The following SERPINA6 variants were observed in gnomAD, a reference collection of about 807,000 sequenced individuals.
The protein encoded by SERPINA6 is serpin family A member 6, also known as corticosteroid-binding globulin.
In SERPINA6, 19 loss-of-function variants were observed where a neutral mutation model predicts 26.4. The observed-to-expected ratio is 0.72, with a 90% CI of 0.50 to 1.06. The LOEUF (loss-of-function observed/expected upper bound fraction) is 1.06. Ranked by LOEUF, SERPINA6 falls within the 50% of genes least tolerant of loss-of-function variation. The pLI, the probability that SERPINA6 is intolerant of heterozygous loss-of-function variation, is 0.00. For synonymous variants in SERPINA6, 196 were observed against 199.4 expected (o/e 0.98, Z 0.14); for missense variants, 473 against 504.0 (o/e 0.94, Z 0.59).
intron 2 of SERPINA6, 165 bp downstream of exon 2, chr14:94,313,871 A>G (rs769178784): frequency 1.2e-6 from 1 of 846,800 alleles, no homozygotes; most frequent in Non-Finnish European, 2.0e-6. Flanking sequence ...TTGTAAAATA[A>G]TATAATTCCA....
At chr14:94,320,735 G>C (rs1950659) in intron 1 of SERPINA6, among the ~76,000 whole-genome samples, 108,006 of 151,902 alleles carry the variant, frequency 0.71, 39,706 homozygotes, top group East Asian at 1. Flanking sequence ...GAACTCCCCC[G>C]CAAAACCCTT....
chr14:94,314,400 G>T lies in SERPINA6; in HGVS notation c.249C>A (p.Gly83=). Residue 83 remains glycine (G), a synonymous_variant, in exon 2 of 5, where the codon GGC becomes GGA. Transcript: ENST00000341584. Reference sequence around the variant, plus strand: ...CCTGGAGAAGCTGGGCCCGTGTGTGGCCACAGGTGCCCAGGGACAGCATAG... The same window carrying T: ...CCTGGAGAAGCTGGGCCCGTGTGTGTCCACAGGTGCCCAGGGACAGCATAG... The part of the protein sequence containing the change: ...ALAMLSLGTC[G]HTRAQLLQGL... 1 of 1,614,200 alleles carries T rather than the reference G, an allele frequency of 6.2e-7. No homozygotes were observed. Among genetic ancestry groups the T allele is most frequent in the Non-Finnish European group, 8.5e-7 (1 of 1,180,042 alleles).
chr14:94,306,252 C>T (rs1360472920), intron 3 of SERPINA6, 34 bp from the exon 4 acceptor site: 9 of 1,613,476 alleles, frequency 5.6e-6, no homozygotes, highest in Non-Finnish European at 7.6e-6. Context: ...TTAGACATTC[C>T]AGGGCTGGGC....
chr14:94,313,890 G>A lies in SERPINA6; in HGVS notation c.613+146C>T, dbSNP rs1895569257. 6.7e-6 allele frequency: 6 copies of A among 889,204 alleles called. No individual in the cohort carries two copies. In the East Asian group the frequency reaches 1.4e-4, roughly 21 times the overall value. 55.1% of individuals were successfully genotyped at this position (889,204 alleles called of 1,614,324 possible). On this transcript the variant is annotated intron_variant, in intron 2 of 4. Coordinates refer to ENST00000341584, the MANE Select transcript of SERPINA6 (RefSeq NM_001756.4). Reference sequence around the variant, plus strand: ...AAAATAATATAATTCCACCTACCCAGCAGGATTGTGGTGAAGATGGAGATT... The same window carrying A: ...AAAATAATATAATTCCACCTACCCAACAGGATTGTGGTGAAGATGGAGATT...
In SERPINA6 at chr14:94,304,424, T is replaced by C; in HGVS notation, c.1212A>G (p.Pro404=). ...GCTCTGGGTGGGTGGTCTCTTACAC[T>C]GGGTTCATAACCCTCGCCAGGAAAA... ...SSLFLARVMN[P]V is the part of the protein sequence containing the mutation. Residue 404 remains proline (P), a synonymous_variant, in exon 5 of 5, where the codon CCA becomes CCG. Coordinates refer to ENST00000341584, the MANE Select transcript of SERPINA6 (RefSeq NM_001756.4). 1 of 1,614,078 alleles carries C rather than the reference T, an allele frequency of 6.2e-7. No homozygotes were observed. Among genetic ancestry groups the C allele is most frequent in the Non-Finnish European group, 8.5e-7 (1 of 1,179,968 alleles).
intron 2 of SERPINA6, among the ~76,000 whole-genome samples, chr14:94,311,153 G>A (rs1454698356): frequency 6.6e-6 from 1 of 152,200 alleles, no homozygotes; most frequent in African/African-American, 2.4e-5. Flanking sequence ...GAGCTATGCT[G>A]GTCCCTTCTT....
chr14:94,306,784 A>G (rs3790036), intron 3 of SERPINA6, among the ~76,000 whole-genome samples: 23,430 of 152,282 alleles, frequency 0.15, 2,524 homozygotes, highest in East Asian at 0.48. Flanking sequence ...TTTCTACCAG[A>G]TGAAGCAGGT....
intron 3 of SERPINA6, among the ~76,000 whole-genome samples, 160 bp downstream of exon 3, chr14:94,309,576 G>A (rs1441780946): frequency 2.0e-5 from 3 of 152,196 alleles, no homozygotes; most frequent in Non-Finnish European, 4.4e-5. Flanking sequence ...CTCTAGATTA[G>A]GGAAACTTAC....
chr14:94,311,902 T>C (rs538599967), intron 2 of SERPINA6, among the ~76,000 whole-genome samples: 12 of 152,106 alleles, frequency 7.9e-5, no homozygotes, highest in African/African-American at 2.9e-4. Context: ...GAGCCAAGAT[T>C]CTGCCACTGC....
In SERPINA6 at chr14:94,306,136, C is replaced by G; in HGVS notation, c.967G>C (p.Asp323His). The G allele has an allele frequency of 1.9e-6, 3 of 1,614,228 alleles. No individual in the cohort carries two copies. The South Asian group carries it at 3.3e-5, about 18-fold the overall frequency. The part of the protein sequence containing the change: ...GDVLEEMGIA[D>H]LFTNQANFSR... ...AAATTTGCCTGGTTGGTGAACAAGT[C>G]TGCAATGCCCATTTCCTCCAGCACA... The change falls in exon 4 of 5, where the codon GAC (aspartate) becomes CAC (histidine). Residue 323 changes from aspartate (D) to histidine (H), a missense_variant. Coordinates refer to ENST00000341584, the MANE Select transcript of SERPINA6 (RefSeq NM_001756.4).
chr14:94,310,137 G>A (rs1292273978), intron 2 of SERPINA6, 131 bp from the exon 3 acceptor site: 1 of 892,362 alleles, frequency 1.1e-6, no homozygotes, highest in Admixed American at 2.1e-5. Flanking sequence ...AGCCTCAAGG[G>A]TTTTTAGGTA....
At chr14:94,305,565 A>G (rs1895425935) in intron 4 of SERPINA6, among the ~76,000 whole-genome samples, 1 of 152,196 alleles carries the variant, frequency 6.6e-6, no homozygotes, top group Non-Finnish European at 1.5e-5. Flanking sequence ...GGGGCCACAC[A>G]TCTGAGTAAC....
intron 1 of SERPINA6, among the ~76,000 whole-genome samples, chr14:94,317,361 ACAGT>A (rs1895626469): frequency 6.6e-6 from 1 of 152,210 alleles, no homozygotes. Flanking sequence ...GCAGATTGAG[ACAGT>A]CAAGTGTAAA....
chr14:94,307,310 A>G (rs1895455324), intron 3 of SERPINA6, among the ~76,000 whole-genome samples: 1 of 152,190 alleles, frequency 6.6e-6, no homozygotes, highest in Non-Finnish European at 1.5e-5. Flanking sequence ...TGAGAGACCA[A>G]CACTTAAGAG....
At chr14:94,306,959 G>A (rs1386472289) in intron 3 of SERPINA6, among the ~76,000 whole-genome samples, 2 of 152,142 alleles carry the variant, frequency 1.3e-5, no homozygotes, top group Non-Finnish European at 2.9e-5. Flanking sequence ...CAGTGAACTC[G>A]CACCGGCTCT....
chr14:94,314,109 C>T lies in SERPINA6; in HGVS notation c.540G>A (p.Gly180=). 1 of 1,614,156 alleles carries T rather than the reference C, an allele frequency of 6.2e-7. No individual in the cohort carries two copies. The highest frequency in any genetic ancestry group is 1.7e-5 in the Admixed American group (1 of 60,020). ...GCCCTGAAAACAAGTCGACAATTTT[C>T]CCCTGTGTCTTATTCTTGACATAGC... ...INSYVKNKTQ[G]KIVDLFSGLD... is the part of the protein sequence containing the mutation. The change falls in exon 2 of 5, where the codon GGG becomes GGA. Residue 180 remains glycine (G), a synonymous_variant. Coordinates refer to ENST00000341584, the MANE Select transcript of SERPINA6 (RefSeq NM_001756.4).
chr14:94,313,090 A>G (rs1895555345), intron 2 of SERPINA6, among the ~76,000 whole-genome samples: 2 of 152,210 alleles, frequency 1.3e-5, no homozygotes, highest in South Asian at 4.1e-4. Context: ...ATGAGGGCAA[A>G]GTCTTTCCTG....
intron 1 of SERPINA6, among the ~76,000 whole-genome samples, chr14:94,315,586 G>C (rs1895603550): frequency 6.6e-6 from 1 of 152,046 alleles, no homozygotes; most frequent in Admixed American, 6.5e-5. Flanking sequence ...AATATATGCT[G>C]TCTACAAGAG....
intron 1 of SERPINA6, among the ~76,000 whole-genome samples, chr14:94,316,901 T>G (rs954873368): frequency 1.3e-5 from 2 of 152,228 alleles, no homozygotes; most frequent in Non-Finnish European, 2.9e-5. Context: ...AGCAGCCTTA[T>G]TAGGCCCTTT....
Sources: gnomAD v4.1 joint callset for allele counts (sites outside exome capture counted in the v4.1 genomes callset) on GRCh38, gnomAD v4.1.1 for gene constraint, MANE v1.5 for transcripts, NCBI Gene and HGNC (gene_info 2026-07-23, HGNC 2026-07-21) for gene names.